The following THOP1 variants were observed in gnomAD, a reference collection of about 807,000 sequenced individuals.
The protein encoded by THOP1 is thimet oligopeptidase 1.
THOP1 carries 49 observed loss-of-function variants against 71.8 expected under a neutral mutation model. The observed-to-expected ratio is 0.68, with a 90% CI of 0.54 to 0.87. THOP1 has a LOEUF of 0.87. Ranked by LOEUF, THOP1 falls within the 40% of genes least tolerant of loss-of-function variation. The pLI is 0.00. For synonymous variants in THOP1, 426 were observed against 421.5 expected (o/e 1.01, Z -0.13); for missense variants, 843 against 975.6 (o/e 0.86, Z 1.81).
Position 2,813,854 on chromosome 19 carries a change from C to G in THOP1, c.*578C>G, listed in dbSNP as rs930148269. 7.9e-5 allele frequency: 12 copies of G among 151,164 alleles called. No homozygotes were observed. Among genetic ancestry groups the G allele is most frequent in the African/African-American group, 3.0e-4 (12 of 39,850 alleles). 9.4% of individuals were successfully genotyped at this position (151,164 alleles called of 1,614,324 possible). A position where few individuals can be genotyped will look rare whatever the true frequency, so the allele number is the denominator to read the frequency against. ...TTGTCATTCTGGAACATTCCCCCCG[C>G]CCTGCTCAGCTCTGGCCATCAAGGA... On this transcript the variant is annotated 3_prime_UTR_variant, in exon 13 of 13. Transcript: ENST00000307741.
chr19:2,788,190 C>T (rs1915795910), intron 1 of THOP1, among the ~76,000 whole-genome samples: 1 of 152,140 alleles, frequency 6.6e-6, no homozygotes, highest in African/African-American at 2.4e-5. Context: ...TTCTCTGCAC[C>T]CTGAATTGTT....
chr19:2,805,099 T>A lies in THOP1; in HGVS notation c.673T>A (p.Phe225Ile), dbSNP rs757576544. 1.6e-5 allele frequency: 25 copies of A among 1,612,900 alleles called. 1 individual carries two copies. In the South Asian group the frequency reaches 2.7e-4, roughly 18 times the overall value. The change falls in exon 6 of 13, where the codon TTC becomes ATC. Residue 225 changes from phenylalanine to isoleucine, a missense_variant. Phe to Ile is a conservative substitution (Grantham distance 21). Coordinates refer to ENST00000307741, the MANE Select transcript of THOP1 (RefSeq NM_003249.5). The surrounding 1 kb of genome is among the most constrained non-coding windows in gnomAD (Gnocchi z 6.6). Reference sequence around the variant, plus strand: ...GGTCACCCTCAAGTACCCCCATTACTTCCCCCTCCTGAAGAAATGCCACGT... The same window carrying A: ...GGTCACCCTCAAGTACCCCCATTACATCCCCCTCCTGAAGAAATGCCACGT... ...LKVTLKYPHY[F>I]PLLKKCHVPE...
chr19:2,807,294 G>A (rs1916317027), intron 7 of THOP1, 148 bp from the exon 8 acceptor site: 1 of 1,337,864 alleles, frequency 7.5e-7, no homozygotes, highest in Non-Finnish European at 9.9e-7. Flanking sequence ...TGAGCGTGAG[G>A]ATGCTCGGCC....
intron 5 of THOP1, among the ~76,000 whole-genome samples, chr19:2,802,211 G>A (rs572827229): frequency 1.5e-4 from 20 of 130,414 alleles, no homozygotes; most frequent in Admixed American, 1.2e-3. Flanking sequence ...CTCCACCTCC[G>A]GACACCCCCA....
In THOP1 at chr19:2,807,164, G is replaced by C. The variant is rs1364928968; in HGVS notation, c.886+112G>C. On this transcript the variant is annotated intron_variant, in intron 7 of 12. Transcript: ENST00000307741. ...CCTTGTCCTTTCCCTCCATGAAGAG[G>C]GACTTCTGACGCCTGCCCTGGCTCC... 15 of 1,395,368 alleles carry C rather than the reference G, an allele frequency of 1.1e-5. No individual in the cohort carries two copies. The African/African-American group carries it at 1.9e-4, about 18-fold the overall frequency. 86.4% of individuals were successfully genotyped at this position (1,395,368 alleles called of 1,614,324 possible). A position where few individuals can be genotyped will look rare whatever the true frequency, so the allele number is the denominator to read the frequency against.
In THOP1 at chr19:2,805,729, C is replaced by A. The variant is rs753908474; in HGVS notation, c.750+553C>A. ...GCTCTAGGAGTGGGCCTCTTGGTCC[C>A]CTGACGACACCAAGTTGGTGCTTGT... is the stretch of plus-strand genomic sequence containing the variant. On this transcript the variant is annotated intron_variant, in intron 6 of 12. Transcript: ENST00000307741. This position sits in a 1 kb window ranked among gnomAD's most constrained non-coding sequence, Gnocchi z 6.6. 1.6e-4 allele frequency among the ~76,000 whole-genome samples: 24 copies of A among 152,130 alleles called. No individual in the cohort carries two copies. The highest frequency in any genetic ancestry group is 2.9e-4 in the Non-Finnish European group (20 of 68,020).
Position 2,811,540 on chromosome 19 carries a change from T to C in THOP1, c.1772-58T>C, listed in dbSNP as rs532551155. The C allele has an allele frequency of 3.2e-6, 5 of 1,568,942 alleles. No individual in the cohort carries two copies. The South Asian group carries it at 5.9e-5, about 18-fold the overall frequency. On this transcript the variant is annotated intron_variant, in intron 11 of 12. Coordinates refer to ENST00000307741, the MANE Select transcript of THOP1 (RefSeq NM_003249.5). The stretch of plus-strand genomic sequence containing the variant: ...AGGAGTCTGGCTGGTTGTCTTCTCC[T>C]GGAGGAGGAGCATGGGGTGGGGGCT...
rs1013365663 is a variant in THOP1 at position 2,801,193 on chromosome 19, G to A, written c.589+1402G>A. On this transcript the variant is annotated intron_variant, in intron 5 of 12. Coordinates refer to ENST00000307741, the MANE Select transcript of THOP1 (RefSeq NM_003249.5). This position sits in a 1 kb window ranked among gnomAD's most constrained non-coding sequence, Gnocchi z 5.1. Reference sequence around the variant, plus strand: ...TGTCCGTGCCAGCTCGTGGGTCCTGGGTGTGAATCCTGGGGAAGTCTGTAT... The same window carrying A: ...TGTCCGTGCCAGCTCGTGGGTCCTGAGTGTGAATCCTGGGGAAGTCTGTAT... 3.9e-5 allele frequency among the ~76,000 whole-genome samples: 6 copies of A among 152,170 alleles called. No homozygotes were observed. Among genetic ancestry groups the A allele is most frequent in the Admixed American group, 2.6e-4 (4 of 15,280 alleles).
chr19:2,807,928 C>A, intron 8 of THOP1, 120 bp downstream of exon 8: 2 of 1,216,182 alleles, frequency 1.6e-6, no homozygotes, highest in South Asian at 1.7e-5. Context: ...CGGGGATGAA[C>A]CCCGAGACGT....
At chr19:2,797,856 G>T in intron 4 of THOP1, among the ~76,000 whole-genome samples, 1 of 152,126 alleles carries the variant, frequency 6.6e-6, no homozygotes, top group East Asian at 1.9e-4. Context: ...CCTGGTTAGG[G>T]GGCGTCTCCA....
At chr19:2,809,154 A>C (rs373038875) in intron 9 of THOP1, among the ~76,000 whole-genome samples, 1 of 152,216 alleles carries the variant, frequency 6.6e-6, no homozygotes, top group East Asian at 1.9e-4. Flanking sequence ...CGTGTTCGCC[A>C]ACTGATCATT....
chr19:2,803,541 C>T (rs533148596), intron 5 of THOP1, among the ~76,000 whole-genome samples: 1 of 152,218 alleles, frequency 6.6e-6, no homozygotes, highest in Non-Finnish European at 1.5e-5. Context: ...CGCTGCTGGG[C>T]CCCCCAGCTG....
intron 4 of THOP1, among the ~76,000 whole-genome samples, chr19:2,796,875 C>T (rs974323125): frequency 3.3e-5 from 5 of 152,198 alleles, no homozygotes; most frequent in Admixed American, 6.5e-5. Flanking sequence ...CCACCCACTG[C>T]CCGGTGTGCC....
At chr19:2,794,618 C>A in intron 2 of THOP1, 146 bp from the exon 3 acceptor site, 2 of 981,786 alleles carry the variant, frequency 2.0e-6, no homozygotes, top group Non-Finnish European at 3.0e-6. Context: ...GCGTGTGCCT[C>A]TAGTCCCAGC....
intron 4 of THOP1, among the ~76,000 whole-genome samples, chr19:2,799,208 C>T (rs1039868315): frequency 6.6e-6 from 1 of 152,100 alleles, no homozygotes; most frequent in Non-Finnish European, 1.5e-5. Flanking sequence ...TACCTGTAGT[C>T]CTAGCTACTC....
chr19:2,791,711 G>A (rs1206320341), intron 2 of THOP1, among the ~76,000 whole-genome samples: 2 of 152,174 alleles, frequency 1.3e-5, no homozygotes, highest in Non-Finnish European at 1.5e-5. Context: ...GCCCAGCGGT[G>A]CCAGGCATCA....
chr19:2,803,441 C>T (rs1916206707), intron 5 of THOP1, among the ~76,000 whole-genome samples: 1 of 152,184 alleles, frequency 6.6e-6, no homozygotes, highest in Non-Finnish European at 1.5e-5. Context: ...CGTGAACTAT[C>T]CATTGCAGCC....
At chr19:2,808,727 G>A (rs906396733) in intron 9 of THOP1, among the ~76,000 whole-genome samples, 3 of 152,214 alleles carry the variant, frequency 2.0e-5, no homozygotes, top group Non-Finnish European at 4.4e-5. Context: ...TGGCTCCCTC[G>A]AGGTCCCTCC....
At chr19:2,806,655 G>C (rs113387680) in intron 6 of THOP1, 107 of 520,662 alleles carry the variant, frequency 2.1e-4, no homozygotes, top group African/African-American at 1.9e-3. Flanking sequence ...GAGGCTCCTC[G>C]GACAGCCCCT....
Sources: gnomAD v4.1 joint callset for allele counts (sites outside exome capture counted in the v4.1 genomes callset) on GRCh38, gnomAD v4.1.1 for gene constraint, Gnocchi (gnomAD v3.1) non-coding constraint, MANE v1.5 for transcripts, NCBI Gene and HGNC (gene_info 2026-07-23, HGNC 2026-07-21) for gene names.